Variants in PPP1R13B observed in about 807,000 individuals in gnomAD.
PPP1R13B encodes the protein apoptosis-stimulating of p53 protein 1.
PPP1R13B carries 44 observed loss-of-function variants against 119.8 expected under a neutral mutation model. The ratio of observed to expected loss-of-function variants is 0.37; its 90% CI spans 0.29 to 0.47. PPP1R13B has a LOEUF of 0.47. Among genes scored for constraint, PPP1R13B ranks in the 20% least tolerant of loss-of-function variants. The pLI, the probability that PPP1R13B is intolerant of heterozygous loss-of-function variation, is 0.99. For synonymous variants in PPP1R13B, 542 were observed against 561.5 expected, an observed-to-expected ratio of 0.97 and a Z score of 0.49; for missense variants, 1,227 against 1,413.5, an observed-to-expected ratio of 0.87 and a Z score of 2.12.
At chr14:103,827,918 A>G (rs1217605491) in intron 1 of PPP1R13B, among the ~76,000 whole-genome samples, 1 of 152,044 alleles carries the variant, frequency 6.6e-6, no homozygotes, top group Non-Finnish European at 1.5e-5. Context: ...ACTACCAGCA[A>G]CTCTCAAAAA....
Position 103,734,848 on chromosome 14 carries a change from C to T in PPP1R13B, c.*306G>A. On this transcript the variant is annotated 3_prime_UTR_variant, in exon 17 of 17. Coordinates refer to ENST00000202556, the MANE Select transcript of PPP1R13B (RefSeq NM_015316.3). ...TAAGAGCTTCTGTCTTCACTGGCAA[C>T]CAACCGGGGGTTATGGGACTTCTTA... is the stretch of plus-strand genomic sequence containing the variant. The T allele has an allele frequency of 2.0e-6, 1 of 488,986 alleles. No individual in the cohort carries two copies. Among genetic ancestry groups the T allele is most frequent in the African/African-American group, 1.9e-5 (1 of 51,724 alleles). 30.3% of individuals were successfully genotyped at this position (488,986 alleles called of 1,614,324 possible). A position where few individuals can be genotyped will look rare whatever the true frequency, so the allele number is the denominator to read the frequency against.
At chr14:103,848,775 C>T (rs1408984998), upstream of PPP1R13B, among the ~76,000 whole-genome samples, 1 of 148,590 alleles carries the variant, frequency 6.7e-6, no homozygotes, top group Admixed American at 6.6e-5. Context: ...GGAGCCACCC[C>T]TGTCCCTCAG....
At chr14:103,769,199 C>CT (rs2085007895) in intron 4 of PPP1R13B, among the ~76,000 whole-genome samples, 1 of 152,110 alleles carries the variant, frequency 6.6e-6, no homozygotes, top group African/African-American at 2.4e-5. Flanking sequence ...AATTCTCCTG[C>CT]TTAAGCCTCC....
chr14:103,739,853 G>T lies in PPP1R13B; in HGVS notation c.2563C>A (p.Pro855Thr), dbSNP rs368881952. 2 of 1,610,496 alleles carry T rather than the reference G, an allele frequency of 1.2e-6. No homozygotes were observed. Among genetic ancestry groups the T allele is most frequent in the Middle Eastern group, 1.6e-4 (1 of 6,066 alleles). Residue 855 changes from proline to threonine, a missense_variant, in exon 12 of 17, where the codon CCT becomes ACT. By Grantham distance (38) the Pro-to-Thr change is conservative. Transcript: ENST00000202556. ...EEQVPPAPLPPASHPPATSTN... is the reference protein window; with the variant it reads ...EEQVPPAPLPTASHPPATSTN... ...GAGGTGGCAGGAGGGTGGCTGGCAG[G>T]GGGAAGAGGTGCTGGAGGGACCTGC... is the stretch of plus-strand genomic sequence containing the variant.
intron 1 of PPP1R13B, among the ~76,000 whole-genome samples, chr14:103,834,873 G>T (rs140537775): frequency 6.6e-6 from 1 of 151,632 alleles, no homozygotes; most frequent in African/African-American, 2.4e-5. Context: ...GATTACAGGC[G>T]TGAGCCACCG....
chr14:103,738,419 A>G lies in PPP1R13B; in HGVS notation c.2864+260T>C. On this transcript the variant is annotated intron_variant, in intron 14 of 16. Coordinates refer to ENST00000202556, the MANE Select transcript of PPP1R13B (RefSeq NM_015316.3). This position sits in a 1 kb window ranked among gnomAD's most constrained non-coding sequence, Gnocchi z 5.6. ...AGAAGGGGAAGATGGAATGATTCAC[A>G]GAATGCTTAGACTGCAATGTTAATG... is the stretch of plus-strand genomic sequence containing the variant. The G allele has an allele frequency of 1.9e-6, 1 of 521,106 alleles. No homozygotes were observed. Among genetic ancestry groups the G allele is most frequent in the Non-Finnish European group, 3.4e-6 (1 of 290,662 alleles). 32.3% of individuals were successfully genotyped at this position (521,106 alleles called of 1,614,324 possible). A position where few individuals can be genotyped will look rare whatever the true frequency, so the allele number is the denominator to read the frequency against.
intron 1 of PPP1R13B, among the ~76,000 whole-genome samples, chr14:103,815,261 G>A (rs183334823): frequency 9.2e-5 from 14 of 152,282 alleles, no homozygotes; most frequent in South Asian, 4.1e-4. Flanking sequence ...TAGATTAGTC[G>A]TTGGTAGGAG....
chr14:103,746,284 A>T, intron 9 of PPP1R13B, 89 bp downstream of exon 9: 2 of 388,470 alleles, frequency 5.1e-6, no homozygotes, highest in Non-Finnish European at 9.8e-6. Context: ...GCAGAGCCTC[A>T]GGAGCCTGCC....
Position 103,830,007 on chromosome 14 carries a change from G to A in PPP1R13B, c.9+17292C>T, listed in dbSNP as rs543086592. On this transcript the variant is annotated intron_variant, in intron 1 of 16. Transcript: ENST00000202556. ...TTGGCCAGGATGGTCTCCATCTCCT[G>A]ATGTCATGATCCACCCACCTTGGCC... Among the ~76,000 whole-genome samples, 16 of 152,118 alleles carry A rather than the reference G, an allele frequency of 1.1e-4. 1 individual carries two copies. The highest frequency in any genetic ancestry group is 3.9e-4 in the African/African-American group (16 of 41,512).
chr14:103,737,898 T>C (rs564512471), intron 14 of PPP1R13B, 38 bp from the exon 15 acceptor site: 2 of 1,594,352 alleles, frequency 1.3e-6, no homozygotes, highest in Non-Finnish European at 1.7e-6. Flanking sequence ...GGCCTGGCAC[T>C]GCCTGTCCTG....
intron 1 of PPP1R13B, among the ~76,000 whole-genome samples, chr14:103,813,889 GAA>G (rs916868903): frequency 1.3e-5 from 2 of 152,146 alleles, no homozygotes; most frequent in Non-Finnish European, 2.9e-5. Context: ...AAAACTAAAT[GAA>G]AAGTCACTGC....
At chr14:103,836,112 C>T (rs2152082516) in intron 1 of PPP1R13B, among the ~76,000 whole-genome samples, 1 of 151,136 alleles carries the variant, frequency 6.6e-6, no homozygotes, top group South Asian at 2.1e-4. Context: ...GAGGCACGAT[C>T]TTAGCTCACT....
At chr14:103,809,879 T>A (rs573160828) in intron 1 of PPP1R13B, among the ~76,000 whole-genome samples, 59 of 151,410 alleles carry the variant, frequency 3.9e-4, no homozygotes, top group African/African-American at 1.4e-3. Flanking sequence ...CAGGCTGGAG[T>A]GCAGTGGCAC....
intron 4 of PPP1R13B, chr14:103,764,443 G>T: frequency 2.9e-6 from 1 of 349,664 alleles, no homozygotes; most frequent in Non-Finnish European, 5.7e-6. Flanking sequence ...TCTTCTTCTT[G>T]TTGAATTGTA....
chr14:103,784,886 C>A lies in PPP1R13B; in HGVS notation c.186G>T (p.Met62Ile). The change falls in exon 3 of 17, where the codon ATG becomes ATT. Residue 62 changes from methionine to isoleucine, a missense_variant. Physicochemically the swap from Met to Ile is conservative, Grantham distance 10 (BLOSUM62 1). Transcript: ENST00000202556. ...NERPIPFDHMMYEHLQKWGPR... is the reference protein window; with the variant it reads ...NERPIPFDHMIYEHLQKWGPR... The stretch of plus-strand genomic sequence containing the variant: ...GACCCCATTTCTGAAGATGTTCGTA[C>A]ATCATATGATCAAAGGGTATGGGAC... 1.2e-6 allele frequency: 2 copies of A among 1,606,064 alleles called. No homozygotes were observed. The highest frequency in any genetic ancestry group is 1.7e-6 in the Non-Finnish European group (2 of 1,173,854).
chr14:103,770,046 A>G (rs2085029924), intron 4 of PPP1R13B, among the ~76,000 whole-genome samples: 1 of 152,084 alleles, frequency 6.6e-6, no homozygotes. Flanking sequence ...TTTAGTCTAT[A>G]AATGTGAATA....
rs941680028 is a variant in PPP1R13B, at chr14:103,752,903, TA to T, written c.828+96del. ...TGCCTATTATTAAATTAGAATCTACTAATTTGTTTCCACTTCCTAAGGTTTC... is the reference window on the plus strand; with the variant it reads ...TGCCTATTATTAAATTAGAATCTACTATTTGTTTCCACTTCCTAAGGTTTC... On this transcript the variant is annotated intron_variant, in intron 7 of 16. Transcript: ENST00000202556. The T allele has an allele frequency of 8.6e-6, 11 of 1,279,464 alleles. No individual in the cohort carries two copies. In the African/African-American group the frequency reaches 1.5e-4, roughly 17 times the overall value. 79.3% of individuals were successfully genotyped at this position (1,279,464 alleles called of 1,614,324 possible).
At position 103,800,714 on chromosome 14, in the gene PPP1R13B, T is replaced by A. The variant is rs1479755904; in HGVS notation, c.10-3196A>T. ...TTTTTTTTCTTACAAGTGCCCTAAA[T>A]TCCTACATTCTGAAATTAAGCATCT... is the stretch of plus-strand genomic sequence containing the variant. On this transcript the variant is annotated intron_variant, in intron 1 of 16. Coordinates refer to ENST00000202556, the MANE Select transcript of PPP1R13B (RefSeq NM_015316.3). Among the ~76,000 whole-genome samples, 2 of 151,974 alleles carry A rather than the reference T, an allele frequency of 1.3e-5. 1 individual carries two copies. Among genetic ancestry groups the A allele is most frequent in the Non-Finnish European group, 2.9e-5 (2 of 67,972 alleles).
At chr14:103,788,486 T>C (rs562791803) in intron 2 of PPP1R13B, among the ~76,000 whole-genome samples, 3 of 152,322 alleles carry the variant, frequency 2.0e-5, no homozygotes, top group Admixed American at 6.5e-5. Flanking sequence ...GGTTTATTCA[T>C]ACTACTTAAG....
Sources: allele counts gnomAD v4.1 joint callset (sites outside exome capture counted in the v4.1 genomes callset), GRCh38; gene constraint gnomAD v4.1.1; non-coding constraint Gnocchi (gnomAD v3.1); transcripts MANE v1.5; gene names NCBI Gene and HGNC (gene_info 2026-07-23, HGNC 2026-07-21).